The following CAMTA1 variants were observed in gnomAD, a reference collection of about 807,000 sequenced individuals.
The protein encoded by CAMTA1 is calmodulin-binding transcription activator 1.
A neutral mutation model predicts 170.9 loss-of-function variants in CAMTA1; 27 were observed. The ratio of observed to expected loss-of-function variants is 0.16; its 90% CI spans 0.12 to 0.22. The LOEUF is 0.22. CAMTA1 is among the 10% of genes least tolerant of loss of function. The pLI, the probability that CAMTA1 is intolerant of heterozygous loss-of-function variation, is 1.00. For missense variants in CAMTA1, 1,619 were observed against 2,217.2 expected (o/e 0.73, Z 5.42); for synonymous variants, 833 against 891.5 (o/e 0.93, Z 1.17).
chr1:7,664,297 A>G lies in CAMTA1; in HGVS notation c.1750A>G (p.Met584Val). The change falls in exon 9 of 23, where the codon ATG (methionine) becomes GTG (valine). Residue 584 changes from methionine to valine, a missense_variant. Met to Val is a conservative substitution (Grantham distance 21, BLOSUM62 1). Around this residue, in one of 8 missense-constraint regions of CAMTA1, gnomAD observed 731 missense variants for 907.6 expected, o/e 0.81. Transcript: ENST00000303635. Reference protein sequence around the residue: ...GLSPSTTLEQMDFSAIDSNKD... With the variant: ...GLSPSTTLEQVDFSAIDSNKD... ...GAGTCCCAGCACCACCCTGGAGCAG[A>G]TGGACTTCAGCGCCATCGACTCCAA... is the stretch of plus-strand genomic sequence containing the variant. 6.2e-7 allele frequency: 1 copy of G among 1,613,124 alleles called. No homozygotes were observed.
At chr1:6,803,045 G>A (rs1320793319) in intron 1 of CAMTA1, among the ~76,000 whole-genome samples, 1 of 152,138 alleles carries the variant, frequency 6.6e-6, no homozygotes, top group Non-Finnish European at 1.5e-5. Context: ...CACCGTGCCC[G>A]GCCCCAGAAC....
At position 7,257,273 on chromosome 1, in the gene CAMTA1, C is replaced by T. The variant is rs1308864036; in HGVS notation, c.438+7647C>T. 3.3e-5 allele frequency among the ~76,000 whole-genome samples: 5 copies of T among 152,342 alleles called. No homozygotes were observed. The East Asian group carries it at 9.6e-4, about 29-fold the overall frequency. On this transcript the variant is annotated intron_variant, in intron 5 of 22. Transcript: ENST00000303635. ...ATCATCTCATTCAGTTACTTGGTAA[C>T]ATCCCTATCAGGTAGATACTATTGT...
At chr1:7,395,020 C>G (rs2089159723) in intron 5 of CAMTA1, among the ~76,000 whole-genome samples, 1 of 152,036 alleles carries the variant, frequency 6.6e-6, no homozygotes, top group East Asian at 1.9e-4. Flanking sequence ...GTAGCCAGGA[C>G]TACAGGTGTC....
At chr1:7,691,655 G>C (rs1457728864) in intron 11 of CAMTA1, among the ~76,000 whole-genome samples, 1 of 152,188 alleles carries the variant, frequency 6.6e-6, no homozygotes, top group African/African-American at 2.4e-5. Flanking sequence ...CAGGAGTTGA[G>C]CTGAGTTTAA....
At chr1:6,848,008 G>A (rs1658946174) in intron 3 of CAMTA1, among the ~76,000 whole-genome samples, 1 of 151,900 alleles carries the variant, frequency 6.6e-6, no homozygotes, top group African/African-American at 2.4e-5. Flanking sequence ...TCCGCGCCTG[G>A]CCTAAGATTT....
intron 6 of CAMTA1, among the ~76,000 whole-genome samples, chr1:7,499,674 T>A (rs1005739040): frequency 6.3e-5 from 9 of 142,906 alleles, no homozygotes; most frequent in Admixed American, 1.4e-4. Context: ...TGCATGAGTG[T>A]GTGTGAACCT....
chr1:7,574,012 G>C (rs1005200685), intron 6 of CAMTA1, among the ~76,000 whole-genome samples: 1 of 152,146 alleles, frequency 6.6e-6, no homozygotes, highest in Non-Finnish European at 1.5e-5. Context: ...GACCTCAGGT[G>C]ATCCATCTGC....
chr1:7,666,248 CAAAACCA>C (rs1193407903), intron 9 of CAMTA1, among the ~76,000 whole-genome samples: 3 of 151,888 alleles, frequency 2.0e-5, no homozygotes, highest in Admixed American at 6.6e-5. Context: ...CTAAGCCAAA[CAAAACCA>C]AAAACCAAAA....
chr1:7,374,710 C>T (rs896322550), intron 5 of CAMTA1, among the ~76,000 whole-genome samples: 6 of 152,230 alleles, frequency 3.9e-5, no homozygotes, highest in Non-Finnish European at 8.8e-5. Context: ...CACCAGATAC[C>T]AGGACACTGG....
At chr1:7,467,245 A>C (rs2093232661) in intron 5 of CAMTA1, among the ~76,000 whole-genome samples, 1 of 152,108 alleles carries the variant, frequency 6.6e-6, no homozygotes, top group Admixed American at 6.5e-5. Flanking sequence ...TTACTTAACA[A>C]ATATATGAAT....
chr1:7,032,964 C>T (rs905044860), intron 3 of CAMTA1, among the ~76,000 whole-genome samples: 2 of 150,746 alleles, frequency 1.3e-5, no homozygotes, highest in African/African-American at 2.4e-5. Flanking sequence ...GCATCCATTT[C>T]CTGTGGCTGC....
chr1:6,925,358 A>C (rs77334412), intron 3 of CAMTA1, among the ~76,000 whole-genome samples: 1 of 152,162 alleles, frequency 6.6e-6, no homozygotes, highest in East Asian at 1.9e-4. Flanking sequence ...TGCCTCGTGC[A>C]AAAAAAGGGT....
chr1:7,026,351 G>A (rs116496774), intron 3 of CAMTA1, among the ~76,000 whole-genome samples: 3 of 151,616 alleles, frequency 2.0e-5, no homozygotes, highest in African/African-American at 4.9e-5. Context: ...ATATGTCCAG[G>A]GGGGGAGTCA....
intron 3 of CAMTA1, among the ~76,000 whole-genome samples, chr1:7,029,757 C>T (rs1702545129): frequency 6.6e-6 from 1 of 152,084 alleles, no homozygotes; most frequent in African/African-American, 2.4e-5. Flanking sequence ...ATACTATTTA[C>T]TGCATTAGAA....
rs1271541758 is a variant in CAMTA1 at position 7,041,998 on chromosome 1, A to G, written c.235-49306A>G. On this transcript the variant is annotated intron_variant, in intron 3 of 22. Transcript: ENST00000303635. This position sits in a 1 kb window ranked among gnomAD's most constrained non-coding sequence, Gnocchi z 5.1. ...GAGGTTGTTGGATGCTTGTCCCTGG[A>G]GAGTTTTTAGGGTTTAAAGCATCTG... is the stretch of plus-strand genomic sequence containing the variant. 6.6e-6 allele frequency among the ~76,000 whole-genome samples: 1 copy of G among 152,114 alleles called. No individual in the cohort carries two copies. Among genetic ancestry groups the G allele is most frequent in the African/African-American group, 2.4e-5 (1 of 41,412 alleles).
intron 4 of CAMTA1, among the ~76,000 whole-genome samples, chr1:7,186,144 T>C (rs1653216115): frequency 6.6e-6 from 1 of 152,094 alleles, no homozygotes; most frequent in Non-Finnish European, 1.5e-5. Flanking sequence ...TGTGTGCATG[T>C]CTGTAGGTAG....
intron 11 of CAMTA1, among the ~76,000 whole-genome samples, chr1:7,706,466 C>T (rs984867163): frequency 2.6e-5 from 4 of 152,120 alleles, no homozygotes; most frequent in South Asian, 2.1e-4. Flanking sequence ...TGTGTCTTAT[C>T]GAGAAACTAT....
intron 5 of CAMTA1, among the ~76,000 whole-genome samples, chr1:7,381,514 A>G (rs1292676433): frequency 6.6e-6 from 1 of 151,648 alleles, no homozygotes; most frequent in East Asian, 1.9e-4. Flanking sequence ...ATAGTATTCC[A>G]TGGGGTATAT....
intron 6 of CAMTA1, among the ~76,000 whole-genome samples, chr1:7,599,244 A>C (rs1262354181): frequency 6.6e-6 from 1 of 152,184 alleles, no homozygotes; most frequent in African/African-American, 2.4e-5. Flanking sequence ...AAGGTCAGAT[A>C]GGTGTAGACA....
Sources: gnomAD v4.1 joint callset for allele counts (sites outside exome capture counted in the v4.1 genomes callset) on GRCh38, gnomAD v4.1.1 for gene constraint, gnomAD v4.1.1 regional missense constraint, Gnocchi (gnomAD v3.1) non-coding constraint, MANE v1.5 for transcripts, NCBI Gene and HGNC (gene_info 2026-07-23, HGNC 2026-07-21) for gene names.